PLCB1: variants seen among roughly 807,000 people sequenced by gnomAD.
PLCB1 encodes the protein phospholipase C beta 1.
Under a neutral mutation model 161.8 loss-of-function variants are expected in PLCB1, and 46 were observed. The observed-to-expected ratio is 0.28, with a 90% CI of 0.22 to 0.36. PLCB1 has a LOEUF of 0.36. Ranked by LOEUF, PLCB1 falls within the 10% of genes least tolerant of loss-of-function variation. The pLI is 1.00. For missense variants in PLCB1, 1,016 were observed against 1,472.5 expected (o/e 0.69, Z 5.07); for synonymous variants, 517 against 503.7 (o/e 1.03, Z -0.35).
intron 2 of PLCB1, among the ~76,000 whole-genome samples, chr20:8,250,955 G>A (rs1981110145): frequency 6.6e-6 from 1 of 151,956 alleles, no homozygotes. Context: ...GTCTTGGTCT[G>A]TTCAGACTGC....
chr20:8,507,984 C>G (rs929673639), intron 3 of PLCB1, among the ~76,000 whole-genome samples: 1 of 152,116 alleles, frequency 6.6e-6, no homozygotes, highest in Non-Finnish European at 1.5e-5. Context: ...ATCTAACACC[C>G]TCCACCCTAG....
intron 31 of PLCB1, among the ~76,000 whole-genome samples, chr20:8,817,565 C>A (rs1985139696): frequency 6.6e-6 from 1 of 152,146 alleles, no homozygotes; most frequent in Non-Finnish European, 1.5e-5. Context: ...TACCAAAAAA[C>A]AAAGAGATTT....
At chr20:8,152,170 G>T (rs1043661429) in intron 2 of PLCB1, among the ~76,000 whole-genome samples, 2 of 152,060 alleles carry the variant, frequency 1.3e-5, no homozygotes, top group East Asian at 3.9e-4. Flanking sequence ...CCAAGAGATA[G>T]AAATAGTAAA....
At chr20:8,275,731 T>G (rs1218908434) in intron 2 of PLCB1, among the ~76,000 whole-genome samples, 1 of 152,214 alleles carries the variant, frequency 6.6e-6, no homozygotes, top group Non-Finnish European at 1.5e-5. Flanking sequence ...GGTTTTAACC[T>G]AAGCCCGGAA....
At chr20:8,397,241 G>A (rs918018539) in intron 3 of PLCB1, among the ~76,000 whole-genome samples, 2 of 151,820 alleles carry the variant, frequency 1.3e-5, no homozygotes, top group Non-Finnish European at 2.9e-5. Context: ...AAAATCCAAC[G>A]TTTCTTTGCA....
chr20:8,576,414 T>G (rs189746258), intron 3 of PLCB1, among the ~76,000 whole-genome samples: 133 of 152,300 alleles, frequency 8.7e-4, no homozygotes, highest in Non-Finnish European at 1.7e-3. Context: ...CAGACATTCC[T>G]AATTCTAAAT....
intron 16 of PLCB1, among the ~76,000 whole-genome samples, chr20:8,725,331 C>T (rs564372046): frequency 4.6e-5 from 7 of 152,084 alleles, no homozygotes; most frequent in African/African-American, 1.7e-4. Context: ...TTTACCCAGA[C>T]AAAAGGGTTC....
At chr20:8,342,746 C>G (rs1195177911) in intron 2 of PLCB1, among the ~76,000 whole-genome samples, 1 of 152,138 alleles carries the variant, frequency 6.6e-6, no homozygotes, top group African/African-American at 2.4e-5. Flanking sequence ...TGTCTGCTGC[C>G]TATTACTTCC....
chr20:8,485,211 A>T (rs992275945), intron 3 of PLCB1, among the ~76,000 whole-genome samples: 4 of 152,204 alleles, frequency 2.6e-5, no homozygotes, highest in Non-Finnish European at 4.4e-5. Context: ...GTTCATCCAA[A>T]CATAGAACTT....
At chr20:8,325,012 G>A (rs996310406) in intron 2 of PLCB1, among the ~76,000 whole-genome samples, 2 of 152,104 alleles carry the variant, frequency 1.3e-5, no homozygotes, top group East Asian at 1.9e-4. Flanking sequence ...CAGGTTTTTC[G>A]GGTGCTTTTC....
At chr20:8,292,923 G>A (rs1197121730) in intron 2 of PLCB1, among the ~76,000 whole-genome samples, 1 of 152,146 alleles carries the variant, frequency 6.6e-6, no homozygotes, top group Non-Finnish European at 1.5e-5. Flanking sequence ...CCAGAACGTA[G>A]CACATAGTAG....
chr20:8,176,389 G>T (rs1405249312), intron 2 of PLCB1, among the ~76,000 whole-genome samples: 2 of 152,128 alleles, frequency 1.3e-5, no homozygotes, highest in African/African-American at 2.4e-5. Context: ...AATCTCAAAA[G>T]GTTTCATACT....
chr20:8,309,104 T>C (rs956475629), intron 2 of PLCB1, among the ~76,000 whole-genome samples: 3 of 152,108 alleles, frequency 2.0e-5, no homozygotes, highest in African/African-American at 7.2e-5. Flanking sequence ...TCTGACCCAT[T>C]TTATTTTGGG....
At chr20:8,739,550 C>T (rs557635313) in intron 21 of PLCB1, among the ~76,000 whole-genome samples, 190 bp downstream of exon 21, 3 of 152,322 alleles carry the variant, frequency 2.0e-5, no homozygotes, top group Admixed American at 6.5e-5. Context: ...ACTCTTTCAA[C>T]AATAATTATG....
chr20:8,263,751 T>G (rs944584697), intron 2 of PLCB1, among the ~76,000 whole-genome samples: 3 of 152,138 alleles, frequency 2.0e-5, no homozygotes, highest in African/African-American at 4.8e-5. Context: ...AAAAGGTACA[T>G]TGAAAATACG....
chr20:8,500,010 A>G (rs1329761982), intron 3 of PLCB1, among the ~76,000 whole-genome samples: 1 of 152,198 alleles, frequency 6.6e-6, no homozygotes, highest in African/African-American at 2.4e-5. Context: ...GATGTAAGGA[A>G]TTTACTAAAG....
chr20:8,825,116 G>A (rs1203121896), intron 31 of PLCB1, among the ~76,000 whole-genome samples: 1 of 152,154 alleles, frequency 6.6e-6, no homozygotes, highest in Non-Finnish European at 1.5e-5. Flanking sequence ...TATTCAATAT[G>A]CCAGTGACCA....
chr20:8,385,277 A>G (rs751055890), intron 3 of PLCB1, among the ~76,000 whole-genome samples: 36 of 152,190 alleles, frequency 2.4e-4, no homozygotes, highest in Non-Finnish European at 5.0e-4. Flanking sequence ...AGGATGAGTC[A>G]GGGTCAGGCC....
At chr20:8,350,323 A>G (rs908160019) in intron 2 of PLCB1, among the ~76,000 whole-genome samples, 2 of 152,150 alleles carry the variant, frequency 1.3e-5, no homozygotes, top group Non-Finnish European at 2.9e-5. Context: ...GCTTCCACTC[A>G]TAAGACAGAA....
Sources: gnomAD v4.1 joint callset for allele counts (sites outside exome capture counted in the v4.1 genomes callset) on GRCh38, gnomAD v4.1.1 for gene constraint, MANE v1.5 for transcripts, NCBI Gene and HGNC (gene_info 2026-07-23, HGNC 2026-07-21) for gene names.